The following FAR1 variants were observed in gnomAD, a reference collection of about 807,000 sequenced individuals.
FAR1 encodes male sterility domain-containing protein 2.
FAR1 carries 22 observed loss-of-function variants against 61.1 expected under a neutral mutation model. That is an observed-to-expected ratio of 0.36 (90% confidence interval 0.26 to 0.51). FAR1 has a LOEUF of 0.51. Ranked by LOEUF, FAR1 falls within the 20% of genes least tolerant of loss-of-function variation. The probability of loss-of-function intolerance (pLI) is 0.95; values close to 1 mark genes in which losing one functional copy is unlikely to be tolerated. For missense variants in FAR1, 359 were observed against 626.9 expected (o/e 0.57, Z 4.56); for synonymous variants, 206 against 209.7 (o/e 0.98, Z 0.15).
Position 13,678,486 on chromosome 11 carries a change from G to A in FAR1, c.-8+9680G>A, listed in dbSNP as rs185732749. Reference sequence around the variant, plus strand: ...TCACCGTGTTAGCCAGGACGGTCTCGATCTCCTGACCTTGTGATCCACCCG... The same window carrying A: ...TCACCGTGTTAGCCAGGACGGTCTCAATCTCCTGACCTTGTGATCCACCCG... On this transcript the variant is annotated intron_variant, in intron 1 of 11. Coordinates refer to ENST00000354817, the MANE Select transcript of FAR1 (RefSeq NM_032228.6). Among the ~76,000 whole-genome samples the A allele has an allele frequency of 2.2e-4, 34 of 152,182 alleles. 1 individual carries two copies. In the Middle Eastern group the frequency reaches 0.01, roughly 46 times the overall value.
chr11:13,724,436 A>C lies in FAR1; in HGVS notation c.1257+2577A>C, dbSNP rs183712163. 2.6e-5 allele frequency among the ~76,000 whole-genome samples: 4 copies of C among 151,602 alleles called. No homozygotes were observed. The East Asian group carries it at 7.8e-4, about 30-fold the overall frequency. On this transcript the variant is annotated intron_variant, in intron 10 of 11. Transcript: ENST00000354817. ...GTGGTGGCGCATGCCTGTAGTCCCAACTACTTGGGAGGCTGAGGTGGGAGG... is the reference window on the plus strand; with the variant it reads ...GTGGTGGCGCATGCCTGTAGTCCCACCTACTTGGGAGGCTGAGGTGGGAGG...
Position 13,721,967 on chromosome 11 carries a change from CATT to C in FAR1, c.1257+112_1257+114del. ...CACAGCTATTATGCAACAAGTAAGC[CATT>C]ATTTATAGTCTCTCATAAAGCTTTA... On this transcript the variant is annotated intron_variant, in intron 10 of 11. Transcript: ENST00000354817. The surrounding 1 kb of genome is among the most constrained non-coding windows in gnomAD (Gnocchi z 4.2). 1 of 873,870 alleles carries C rather than the reference CATT, an allele frequency of 1.1e-6. No individual in the cohort carries two copies. The highest frequency in any genetic ancestry group is 2.8e-5 in the East Asian group (1 of 36,152). The allele number at this position is 873,870 out of a possible 1,614,324, so 54.1% of individuals were successfully genotyped here.
chr11:13,724,599 C>G (rs1379799887), intron 10 of FAR1, among the ~76,000 whole-genome samples: 1 of 150,212 alleles, frequency 6.7e-6, no homozygotes, highest in Non-Finnish European at 1.5e-5. Flanking sequence ...TACAGTTTCT[C>G]AAGAGTTTCT....
chr11:13,688,049 T>G (rs994572186), intron 1 of FAR1, among the ~76,000 whole-genome samples: 2 of 151,744 alleles, frequency 1.3e-5, no homozygotes, highest in Non-Finnish European at 2.9e-5. Flanking sequence ...TGTATACATA[T>G]GTAACAAACC....
In FAR1 at chr11:13,708,134, C is replaced by T. The variant is rs552204793; in HGVS notation, c.545+55C>T. Reference sequence around the variant, plus strand: ...ACTTTGATCCCAAAAGAGGCCAAGGCGGGCGGATCATGAGGTCAGGAGTTC... The same window carrying T: ...ACTTTGATCCCAAAAGAGGCCAAGGTGGGCGGATCATGAGGTCAGGAGTTC... On this transcript the variant is annotated intron_variant, in intron 4 of 11. Coordinates refer to ENST00000354817, the MANE Select transcript of FAR1 (RefSeq NM_032228.6). 5.8e-5 allele frequency: 75 copies of T among 1,303,740 alleles called. 1 individual carries two copies. In the South Asian group the frequency reaches 8.7e-4, roughly 15 times the overall value. 80.8% of individuals were successfully genotyped at this position (1,303,740 alleles called of 1,614,324 possible).
chr11:13,687,299 C>G (rs1314860515), intron 1 of FAR1, among the ~76,000 whole-genome samples: 5 of 152,194 alleles, frequency 3.3e-5, no homozygotes, highest in Non-Finnish European at 7.3e-5. Context: ...CTGCTAGGTG[C>G]TATTTCCTAA....
intron 1 of FAR1, among the ~76,000 whole-genome samples, chr11:13,674,556 A>C (rs1462219753): frequency 2.0e-5 from 3 of 152,136 alleles, no homozygotes; most frequent in Non-Finnish European, 4.4e-5. Flanking sequence ...CCTTTCTTAA[A>C]AACTGTATTA....
At chr11:13,709,777 T>C (rs1008311911) in intron 4 of FAR1, among the ~76,000 whole-genome samples, 1 of 152,144 alleles carries the variant, frequency 6.6e-6, no homozygotes, top group African/African-American at 2.4e-5. Flanking sequence ...GAAAATTTTA[T>C]CTTGATAATC....
intron 1 of FAR1, among the ~76,000 whole-genome samples, chr11:13,691,297 A>C (rs1848247154): frequency 6.6e-6 from 1 of 152,224 alleles, no homozygotes; most frequent in Non-Finnish European, 1.5e-5. Flanking sequence ...CCCATTGATG[A>C]GGAAGGAGCC....
chr11:13,702,963 C>T (rs1848393143), intron 3 of FAR1, among the ~76,000 whole-genome samples: 1 of 152,192 alleles, frequency 6.6e-6, no homozygotes, highest in African/African-American at 2.4e-5. Context: ...TAGCAGAAGG[C>T]ATCTTATGTA....
At chr11:13,704,427 T>C (rs1285970338) in intron 3 of FAR1, among the ~76,000 whole-genome samples, 1 of 152,236 alleles carries the variant, frequency 6.6e-6, no homozygotes, top group Non-Finnish European at 1.5e-5. Flanking sequence ...TTGAGTTTGT[T>C]GGGCATTGAT....
At chr11:13,690,192 A>G (rs1345368047) in intron 1 of FAR1, among the ~76,000 whole-genome samples, 3 of 151,744 alleles carry the variant, frequency 2.0e-5, no homozygotes, top group Non-Finnish European at 4.4e-5. Context: ...CTTTTTTGTA[A>G]TGCCCATTTG....
At chr11:13,699,497 C>T (rs1848346329) in intron 2 of FAR1, among the ~76,000 whole-genome samples, 1 of 152,188 alleles carries the variant, frequency 6.6e-6, no homozygotes, top group African/African-American at 2.4e-5. Flanking sequence ...TATAGACTTT[C>T]TTCTTAGGTT....
In FAR1 at chr11:13,732,153, T is replaced by C. The variant is rs568168492; in HGVS notation, c.*3379T>C. The C allele has an allele frequency of 6.6e-6, 1 of 152,324 alleles. No homozygotes were observed. Among genetic ancestry groups the C allele is most frequent in the East Asian group, 1.9e-4 (1 of 5,186 alleles). 9.4% of individuals were successfully genotyped at this position (152,324 alleles called of 1,614,324 possible). On this transcript the variant is annotated 3_prime_UTR_variant, in exon 12 of 12. Transcript: ENST00000354817. ...AAAAAAAAAATGAAATATTTTCTTA[T>C]TGAATTAATATTTTTGTCTTGAAGC...
intron 3 of FAR1, among the ~76,000 whole-genome samples, chr11:13,703,657 T>C (rs1848400834): frequency 6.6e-6 from 1 of 152,194 alleles, no homozygotes; most frequent in African/African-American, 2.4e-5. Context: ...AGAAGGTAGA[T>C]AGAGCTCACT....
At chr11:13,717,323 C>G (rs1041603568) in intron 9 of FAR1, among the ~76,000 whole-genome samples, 1 of 152,194 alleles carries the variant, frequency 6.6e-6, no homozygotes, top group East Asian at 1.9e-4. Context: ...ACTAAAGCAA[C>G]GAGTTACTGA....
chr11:13,691,113 G>A (rs375443116), intron 1 of FAR1, among the ~76,000 whole-genome samples: 9 of 152,198 alleles, frequency 5.9e-5, no homozygotes, highest in African/African-American at 1.9e-4. Flanking sequence ...AGATCAAAAT[G>A]TACCAATTGT....
Position 13,694,773 on chromosome 11 carries a change from C to A in FAR1, c.8C>A (p.Ser3Ter). 1 of 1,609,920 alleles carries A rather than the reference C, an allele frequency of 6.2e-7. No individual in the cohort carries two copies. Among genetic ancestry groups the A allele is most frequent in the Non-Finnish European group, 8.5e-7 (1 of 1,178,332 alleles). MV[S>*]IPEYYEGKNV... is the part of the protein sequence containing the mutation. Reference sequence around the variant, plus strand: ...GTTTTTCTTAGGATCAAAATGGTTTCAATCCCAGAATACTATGAAGGCAAG... The same window carrying A: ...GTTTTTCTTAGGATCAAAATGGTTTAAATCCCAGAATACTATGAAGGCAAG... Residue 3 changes from serine (S) to a stop codon, truncating the protein, a stop_gained, in exon 2 of 12, where the codon TCA (serine) becomes TAA (stop). Coordinates refer to ENST00000354817, the MANE Select transcript of FAR1 (RefSeq NM_032228.6). LOFTEE classifies it high-confidence loss of function.
chr11:13,719,521 A>G (rs147082897), intron 9 of FAR1, among the ~76,000 whole-genome samples: 1 of 152,292 alleles, frequency 6.6e-6, no homozygotes, highest in Non-Finnish European at 1.5e-5. Context: ...TTGTTTACAT[A>G]ATAATTCTGA....
Sources: gnomAD v4.1 joint callset for allele counts (sites outside exome capture counted in the v4.1 genomes callset) on GRCh38, gnomAD v4.1.1 for gene constraint, Gnocchi (gnomAD v3.1) non-coding constraint, MANE v1.5 for transcripts, NCBI Gene and HGNC (gene_info 2026-07-23, HGNC 2026-07-21) for gene names.